IMMP2L: variants seen among roughly 807,000 people sequenced by gnomAD.
IMMP2L encodes the protein mitochondrial inner membrane protease subunit 2.
In IMMP2L, 18 loss-of-function variants were observed where a neutral mutation model predicts 19.3. The ratio of observed to expected loss-of-function variants is 0.93; its 90% CI spans 0.64 to 1.38. IMMP2L has a LOEUF of 1.38. IMMP2L is among the 40% of genes most tolerant of loss of function. IMMP2L has a pLI of 0.00. For missense variants in IMMP2L, 233 were observed against 218.2 expected (o/e 1.07, Z -0.43); for synonymous variants, 76 against 73.0 (o/e 1.04, Z -0.21).
In IMMP2L at chr7:110,963,588, T is replaced by G. The variant is rs202158664; in HGVS notation, c.240-23A>C. 8.2e-5 allele frequency: 115 copies of G among 1,397,402 alleles called. No homozygotes were observed. In the East Asian group the frequency reaches 1.9e-3, roughly 23 times the overall value. 86.6% of individuals were successfully genotyped at this position (1,397,402 alleles called of 1,614,324 possible). On this transcript the variant is annotated intron_variant, in intron 3 of 5. Transcript: ENST00000405709. The stretch of plus-strand genomic sequence containing the variant: ...GACCTAGAACAAGAAGATAACATTA[T>G]ACAATCAGTTATGTCTATGTTGTTT...
At chr7:110,862,157 T>C (rs1425202749) in intron 5 of IMMP2L, among the ~76,000 whole-genome samples, 1 of 151,980 alleles carries the variant, frequency 6.6e-6, no homozygotes, top group African/African-American at 2.4e-5. Context: ...TTTTATACTT[T>C]TATAAAATCC....
At chr7:111,002,700 G>A (rs1239358945) in intron 3 of IMMP2L, among the ~76,000 whole-genome samples, 1 of 152,174 alleles carries the variant, frequency 6.6e-6, no homozygotes, top group Non-Finnish European at 1.5e-5. Flanking sequence ...CCACCACCCT[G>A]ATCACAGGTT....
intron 3 of IMMP2L, among the ~76,000 whole-genome samples, chr7:111,013,728 T>C (rs1186577329): frequency 1.3e-5 from 2 of 152,190 alleles, no homozygotes; most frequent in Non-Finnish European, 2.9e-5. Flanking sequence ...CCCTGTAACT[T>C]AGGCAATATT....
intron 1 of IMMP2L, among the ~76,000 whole-genome samples, chr7:111,555,413 G>C (rs1791163772): frequency 6.6e-6 from 1 of 151,452 alleles, no homozygotes; most frequent in Non-Finnish European, 1.5e-5. Flanking sequence ...AATTTTGCAA[G>C]CCGGGAAGGA....
At chr7:111,353,076 A>G (rs542677797) in intron 3 of IMMP2L, among the ~76,000 whole-genome samples, 18 of 152,284 alleles carry the variant, frequency 1.2e-4, no homozygotes, top group African/African-American at 4.3e-4. Flanking sequence ...TCAATATGGG[A>G]CACACCCATG....
At chr7:110,910,802 A>G (rs555897486) in intron 4 of IMMP2L, among the ~76,000 whole-genome samples, 3 of 152,248 alleles carry the variant, frequency 2.0e-5, no homozygotes, top group African/African-American at 7.2e-5. Context: ...CTTCTTACTC[A>G]TTATTTTTAG....
intron 3 of IMMP2L, among the ~76,000 whole-genome samples, chr7:111,451,382 A>G (rs1174334823): frequency 1.3e-5 from 2 of 151,056 alleles, no homozygotes; most frequent in African/African-American, 4.9e-5. Context: ...CTATGCAGCC[A>G]TAAAAAATGA....
chr7:110,879,531 A>G (rs539155861), intron 5 of IMMP2L, among the ~76,000 whole-genome samples: 1 of 152,230 alleles, frequency 6.6e-6, no homozygotes, highest in Non-Finnish European at 1.5e-5. Context: ...CCCCAATAAC[A>G]TTCATTCTCA....
chr7:110,669,983 T>C (rs1290040527), intron 5 of IMMP2L, among the ~76,000 whole-genome samples: 1 of 152,220 alleles, frequency 6.6e-6, no homozygotes, highest in Non-Finnish European at 1.5e-5. Context: ...AATAAGTAAG[T>C]ACACATTGTT....
chr7:111,325,815 A>G (rs1825260292), intron 3 of IMMP2L, among the ~76,000 whole-genome samples: 1 of 151,766 alleles, frequency 6.6e-6, no homozygotes, highest in Non-Finnish European at 1.5e-5. Flanking sequence ...ATCTTTTGGC[A>G]TCATCAGTGT....
intron 3 of IMMP2L, among the ~76,000 whole-genome samples, chr7:111,289,377 C>T (rs1169130984): frequency 6.6e-6 from 1 of 150,932 alleles, no homozygotes; most frequent in East Asian, 1.9e-4. Flanking sequence ...AGGTAACAAA[C>T]CTGCACATTC....
intron 5 of IMMP2L, among the ~76,000 whole-genome samples, chr7:110,859,598 C>T (rs2129542570): frequency 6.6e-6 from 1 of 151,630 alleles, no homozygotes; most frequent in African/African-American, 2.4e-5. Context: ...ACAAAAATAG[C>T]CAGGCATGGT....
chr7:111,194,455 C>T (rs147297575), intron 3 of IMMP2L, among the ~76,000 whole-genome samples: 13 of 152,202 alleles, frequency 8.5e-5, no homozygotes, highest in Admixed American at 2.6e-4. Flanking sequence ...TACCATTACA[C>T]CTGTTTATAA....
At chr7:111,202,971 C>A (rs565633881) in intron 3 of IMMP2L, among the ~76,000 whole-genome samples, 2 of 152,108 alleles carry the variant, frequency 1.3e-5, no homozygotes, top group African/African-American at 4.8e-5. Flanking sequence ...TTGCCCTAAA[C>A]TATAAACATT....
chr7:110,854,261 A>T (rs1585037580), intron 5 of IMMP2L, among the ~76,000 whole-genome samples: 1 of 152,072 alleles, frequency 6.6e-6, no homozygotes, highest in East Asian at 1.9e-4. Context: ...CTTGTTTTAT[A>T]TATCAGTGGA....
chr7:111,545,253 C>T (rs1019566969), intron 1 of IMMP2L, among the ~76,000 whole-genome samples: 3 of 152,090 alleles, frequency 2.0e-5, no homozygotes, highest in Admixed American at 1.3e-4. Flanking sequence ...TTTCACTAGG[C>T]CTTTGATATG....
chr7:111,303,166 T>C (rs1480792380), intron 3 of IMMP2L, among the ~76,000 whole-genome samples: 1 of 152,140 alleles, frequency 6.6e-6, no homozygotes, highest in Non-Finnish European at 1.5e-5. Context: ...CTTGTTCTGC[T>C]CTAAGTATCC....
intron 3 of IMMP2L, among the ~76,000 whole-genome samples, chr7:111,318,335 A>C (rs939311735): frequency 1.3e-4 from 20 of 152,148 alleles, no homozygotes; most frequent in African/African-American, 4.8e-4. Context: ...AGAACAGAAA[A>C]GGGGTTGAGC....
intron 5 of IMMP2L, among the ~76,000 whole-genome samples, chr7:110,844,307 G>A (rs1157067811): frequency 6.6e-6 from 1 of 152,042 alleles, no homozygotes; most frequent in African/African-American, 2.4e-5. Flanking sequence ...TTAGAGGCAT[G>A]TACAAAATGC....
Sources: gnomAD v4.1 joint callset for allele counts (sites outside exome capture counted in the v4.1 genomes callset) on GRCh38, gnomAD v4.1.1 for gene constraint, MANE v1.5 for transcripts, NCBI Gene and HGNC (gene_info 2026-07-23, HGNC 2026-07-21) for gene names.